The following ELMOD2 variants were observed in gnomAD, a reference collection of about 807,000 sequenced individuals.
ELMOD2 encodes the protein ELMO domain-containing protein 2.
ELMOD2 carries 28 observed loss-of-function variants against 41.0 expected under a neutral mutation model. That is an observed-to-expected ratio of 0.68 (90% CI 0.51 to 0.94). ELMOD2 has a LOEUF of 0.94. Ranked by LOEUF, ELMOD2 falls within the 40% of genes least tolerant of loss-of-function variation. The pLI is 0.00. For missense variants in ELMOD2, 333 were observed against 343.1 expected, an observed-to-expected ratio of 0.97 and a Z score of 0.23; for synonymous variants, 106 against 107.2, an observed-to-expected ratio of 0.99 and a Z score of 0.07.
Position 140,537,509 on chromosome 4 carries a change from G to T in ELMOD2, c.367G>T (p.Asp123Tyr), listed in dbSNP as rs189023174. The change falls in exon 5 of 9, where the codon GAT becomes TAT. Residue 123 changes from aspartate (D) to tyrosine (Y), a missense_variant. Coordinates refer to ENST00000323570, the MANE Select transcript of ELMOD2 (RefSeq NM_153702.4). ...ESVRKRPYDSDNLQHEELLMK... is the reference protein window; with the variant it reads ...ESVRKRPYDSYNLQHEELLMK... ...TGTGAGGAAAAGGCCATATGATTCT[G>T]ATAACCTACAGCATGAAGAGCTACT... 2.5e-6 allele frequency: 4 copies of T among 1,599,510 alleles called. No individual in the cohort carries two copies. Among genetic ancestry groups the T allele is most frequent in the East Asian group, 2.3e-5 (1 of 43,718 alleles).
intron 5 of ELMOD2, among the ~76,000 whole-genome samples, chr4:140,537,754 A>G (rs1734980469): frequency 6.6e-6 from 1 of 150,570 alleles, no homozygotes; most frequent in Non-Finnish European, 1.5e-5. Flanking sequence ...TATTATAAAT[A>G]TATAATGAAT....
rs1447036793 is a variant in ELMOD2, at chr4:140,553,575, T to C, written c.*3200T>C. Reference sequence around the variant, plus strand: ...AGACCCAACTACTACCTTACTATTATAGGACGATTCTATGTTTCTGTTAAA... The same window carrying C: ...AGACCCAACTACTACCTTACTATTACAGGACGATTCTATGTTTCTGTTAAA... On this transcript the variant is annotated 3_prime_UTR_variant, in exon 9 of 9. Coordinates refer to ENST00000323570, the MANE Select transcript of ELMOD2 (RefSeq NM_153702.4). 2 of 152,136 alleles carry C rather than the reference T, an allele frequency of 1.3e-5. No individual in the cohort carries two copies. The highest frequency in any genetic ancestry group is 2.4e-5 in the African/African-American group (1 of 41,432). The allele number at this position is 152,136 out of a possible 1,614,324, so 9.4% of individuals were successfully genotyped here.
intron 8 of ELMOD2, among the ~76,000 whole-genome samples, chr4:140,547,490 T>C (rs753691532): frequency 5.3e-5 from 8 of 152,106 alleles, no homozygotes; most frequent in Non-Finnish European, 1.0e-4. Flanking sequence ...TCTAGTTTTG[T>C]AGGGCCAAAA....
At chr4:140,528,614 C>A (rs995833552) in intron 3 of ELMOD2, among the ~76,000 whole-genome samples, 4 of 152,064 alleles carry the variant, frequency 2.6e-5, no homozygotes, top group African/African-American at 7.2e-5. Flanking sequence ...GGCTCAAGGT[C>A]AAAAATGTTG....
intron 3 of ELMOD2, among the ~76,000 whole-genome samples, chr4:140,534,813 T>C (rs1173326747): frequency 6.6e-6 from 1 of 152,156 alleles, no homozygotes; most frequent in Non-Finnish European, 1.5e-5. Flanking sequence ...GCTCTCTAAC[T>C]GAAGTATGAC....
chr4:140,528,121 T>C (rs3104107), intron 3 of ELMOD2, among the ~76,000 whole-genome samples: 131,969 of 152,108 alleles, frequency 0.87, 58,282 homozygotes, highest in East Asian at 0.97. Flanking sequence ...ACTACACAAA[T>C]ATATTTTAAG....
Position 140,540,115 on chromosome 4 carries a change from G to A in ELMOD2, c.400-53G>A, listed in dbSNP as rs559047130. 17 of 1,583,618 alleles carry A rather than the reference G, an allele frequency of 1.1e-5. No individual in the cohort carries two copies. In the South Asian group the frequency reaches 1.8e-4, roughly 17 times the overall value. ...GTTATTTGATAGCATTAAATTACTA[G>A]TTACAAGCTATGAGAAAGAAAATGT... On this transcript the variant is annotated intron_variant, in intron 5 of 8. Coordinates refer to ENST00000323570, the MANE Select transcript of ELMOD2 (RefSeq NM_153702.4).
intron 3 of ELMOD2, among the ~76,000 whole-genome samples, chr4:140,530,460 G>A (rs972278610): frequency 6.6e-6 from 1 of 152,164 alleles, no homozygotes; most frequent in Non-Finnish European, 1.5e-5. Context: ...GTAGACTAGA[G>A]TGTTTGGGGA....
chr4:140,535,559 T>A (rs1734894073), intron 3 of ELMOD2, 174 bp from the exon 4 acceptor site: 2 of 559,816 alleles, frequency 3.6e-6, no homozygotes, highest in Non-Finnish European at 6.2e-6. Flanking sequence ...TATAAAACTA[T>A]ATATATATAT....
chr4:140,531,234 T>A (rs1457186189), intron 3 of ELMOD2, among the ~76,000 whole-genome samples: 11 of 152,200 alleles, frequency 7.2e-5, no homozygotes, highest in Non-Finnish European at 4.4e-5. Flanking sequence ...TCTTGAAGTA[T>A]GATCATGTTG....
At position 140,551,405 on chromosome 4, in the gene ELMOD2, T is replaced by C. The variant is rs1335172629; in HGVS notation, c.*1030T>C. 1 of 152,046 alleles carries C rather than the reference T, an allele frequency of 6.6e-6. No homozygotes were observed. The highest frequency in any genetic ancestry group is 6.6e-5 in the Admixed American group (1 of 15,252). 9.4% of individuals were successfully genotyped at this position (152,046 alleles called of 1,614,324 possible). On this transcript the variant is annotated 3_prime_UTR_variant, in exon 9 of 9. Coordinates refer to ENST00000323570, the MANE Select transcript of ELMOD2 (RefSeq NM_153702.4). ...TTTTTAGATAACCATGTATGAACTT[T>C]ATGTTAATGGTTTGTGGGATACTAA...
Position 140,551,460 on chromosome 4 carries a change from CATTT to C in ELMOD2, c.*1086_*1089del, listed in dbSNP as rs1237630699. The stretch of plus-strand genomic sequence containing the variant: ...GCTTGAAGATGACTTGATGACTGTG[CATTT>C]TATATAGTTTTATTCTCCTAAAATC... On this transcript the variant is annotated 3_prime_UTR_variant, in exon 9 of 9. Transcript: ENST00000323570. The C allele has an allele frequency of 6.6e-6, 1 of 151,926 alleles. No individual in the cohort carries two copies. Among genetic ancestry groups the C allele is most frequent in the Non-Finnish European group, 1.5e-5 (1 of 67,900 alleles). The allele number at this position is 151,926 out of a possible 1,614,324, so 9.4% of individuals were successfully genotyped here. A position where few individuals can be genotyped will look rare whatever the true frequency, so the allele number is the denominator to read the frequency against.
At chr4:140,530,661 G>T (rs1330816540) in intron 3 of ELMOD2, among the ~76,000 whole-genome samples, 1 of 152,128 alleles carries the variant, frequency 6.6e-6, no homozygotes, top group Admixed American at 6.5e-5. Context: ...CAACAAATGG[G>T]TAAATACTGA....
At chr4:140,533,640 C>T (rs563092378) in intron 3 of ELMOD2, among the ~76,000 whole-genome samples, 1 of 152,132 alleles carries the variant, frequency 6.6e-6, no homozygotes, top group Non-Finnish European at 1.5e-5. Context: ...CAAAATAAAA[C>T]TGCTTATCAA....
In ELMOD2 at chr4:140,527,408, G is replaced by A. The variant is rs551244531; in HGVS notation, c.143-58G>A. 199 of 1,309,002 alleles carry A rather than the reference G, an allele frequency of 1.5e-4. No homozygotes were observed. In the African/African-American group the frequency reaches 2.6e-3, roughly 17 times the overall value. The allele number at this position is 1,309,002 out of a possible 1,614,324, so 81.1% of individuals were successfully genotyped here. ...TATTTTTACTAGTTGTTTATTATAG[G>A]GTAATTGACAAACAGCATTTAAGTG... On this transcript the variant is annotated intron_variant, in intron 2 of 8. Transcript: ENST00000323570.
At chr4:140,547,844 A>T (rs1359422261) in intron 8 of ELMOD2, among the ~76,000 whole-genome samples, 1 of 152,144 alleles carries the variant, frequency 6.6e-6, no homozygotes, top group African/African-American at 2.4e-5. Context: ...TAAGTATTCC[A>T]AACATCTGGA....
chr4:140,527,340 A>G lies in ELMOD2; in HGVS notation c.143-126A>G. 4 of 789,782 alleles carry G rather than the reference A, an allele frequency of 5.1e-6. No individual in the cohort carries two copies. The South Asian group carries it at 6.4e-5, about 13-fold the overall frequency. 48.9% of individuals were successfully genotyped at this position (789,782 alleles called of 1,614,324 possible). ...AATTTTAAAATGCTTCCTGTTATAT[A>G]GAAATTATATCTCCTGGAACTATTA... On this transcript the variant is annotated intron_variant, in intron 2 of 8. Transcript: ENST00000323570.
chr4:140,528,200 G>T (rs938513522), intron 3 of ELMOD2, among the ~76,000 whole-genome samples: 2 of 152,216 alleles, frequency 1.3e-5, no homozygotes, highest in Admixed American at 1.3e-4. Flanking sequence ...CCAAGTCAAG[G>T]GGTGGAGAAA....
At position 140,552,437 on chromosome 4, in the gene ELMOD2, T is replaced by C. The variant is rs933171583; in HGVS notation, c.*2062T>C. On this transcript the variant is annotated 3_prime_UTR_variant, in exon 9 of 9. Transcript: ENST00000323570. Reference sequence around the variant, plus strand: ...TAATCTGCAACCATTTCAGATAGTTTTACAGCAAATTGATCTAAAAGCCAC... The same window carrying C: ...TAATCTGCAACCATTTCAGATAGTTCTACAGCAAATTGATCTAAAAGCCAC... 1.3e-5 allele frequency: 2 copies of C among 152,094 alleles called. No homozygotes were observed. The highest frequency in any genetic ancestry group is 4.8e-5 in the African/African-American group (2 of 41,442). The allele number at this position is 152,094 out of a possible 1,614,324, so 9.4% of individuals were successfully genotyped here. A position where few individuals can be genotyped will look rare whatever the true frequency, so the allele number is the denominator to read the frequency against.
Sources: allele counts gnomAD v4.1 joint callset (sites outside exome capture counted in the v4.1 genomes callset), GRCh38; gene constraint gnomAD v4.1.1; transcripts MANE v1.5; gene names NCBI Gene and HGNC (gene_info 2026-07-23, HGNC 2026-07-21).